Variants in AP2A1 observed in about 807,000 individuals in gnomAD.
The protein encoded by AP2A1 is adaptor related protein complex 2 subunit alpha 1.
In AP2A1, 21 loss-of-function variants were observed where a neutral mutation model predicts 107.3. That is an observed-to-expected ratio of 0.20 (90% CI 0.14 to 0.28). The LOEUF is 0.28. Ranked by LOEUF, AP2A1 falls within the 10% of genes least tolerant of loss-of-function variation. The probability of loss-of-function intolerance (pLI) is 1.00; values close to 1 mark genes in which losing one functional copy is unlikely to be tolerated. For synonymous variants in AP2A1, 602 were observed against 564.8 expected, an observed-to-expected ratio of 1.07 and a Z score of -0.93; for missense variants, 873 against 1,307.7, an observed-to-expected ratio of 0.67 and a Z score of 5.13.
chr19:49,807,020 T>TGCCCC lies in AP2A1; in HGVS notation c.*262_*263insGCCCC. The TGCCCC allele has an allele frequency of 7.5e-7, 1 of 1,338,572 alleles. No individual in the cohort carries two copies. The highest frequency in any genetic ancestry group is 1.0e-6 in the Non-Finnish European group (1 of 996,938). The allele number at this position is 1,338,572 out of a possible 1,614,324, so 82.9% of individuals were successfully genotyped here. A position where few individuals can be genotyped will look rare whatever the true frequency, so the allele number is the denominator to read the frequency against. ...AGGGGCCAGGGAAGTGGATGTCTCC[T>TGCCCC]CCCCTCCCACCCCACCCTGTTGTAG... On this transcript the variant is annotated 3_prime_UTR_variant, in exon 23 of 23. Coordinates refer to ENST00000354293, the MANE Select transcript of AP2A1 (RefSeq NM_130787.3).
chr19:49,767,341 A>C, intron 1 of AP2A1, 141 bp downstream of exon 1: 1 of 1,049,576 alleles, frequency 9.5e-7, no homozygotes, highest in Non-Finnish European at 1.4e-6. Flanking sequence ...CCCAGGAAGA[A>C]CTTTAGAGTG....
chr19:49,795,859 G>T, intron 7 of AP2A1, 121 bp downstream of exon 7: 1 of 809,592 alleles, frequency 1.2e-6, no homozygotes. Flanking sequence ...CTGAAGCTGG[G>T]GCGGTTCCTC....
Position 49,767,039 on chromosome 19 carries a change from C to G in AP2A1, c.-95C>G. 8 of 1,348,740 alleles carry G rather than the reference C, an allele frequency of 5.9e-6. No individual in the cohort carries two copies. The highest frequency in any genetic ancestry group is 6.9e-6 in the Non-Finnish European group (7 of 1,019,618). The allele number at this position is 1,348,740 out of a possible 1,614,324, so 83.5% of individuals were successfully genotyped here. ...CCCCGCGGCCGGCTCGGCTCCTTGG[C>G]GCTGCCTGGGGTCCTTTCCGCCCGG... is the stretch of plus-strand genomic sequence containing the variant. On this transcript the variant is annotated 5_prime_UTR_variant, in exon 1 of 23. Coordinates refer to ENST00000354293, the MANE Select transcript of AP2A1 (RefSeq NM_130787.3).
chr19:49,803,591 T>TGA, intron 18 of AP2A1: 1 of 580,202 alleles, frequency 1.7e-6, no homozygotes. Flanking sequence ...GAGGCTTTAC[T>TGA]TCCAGAACTC....
intron 18 of AP2A1, 104 bp downstream of exon 18, chr19:49,803,480 G>A (rs1423137573): frequency 1.1e-6 from 1 of 904,754 alleles, no homozygotes; most frequent in Non-Finnish European, 1.8e-6. Context: ...AGCCTCTCTT[G>A]GGCACGCAAT....
intron 5 of AP2A1, among the ~76,000 whole-genome samples, chr19:49,792,575 C>T (rs889753539): frequency 6.6e-6 from 1 of 152,014 alleles, no homozygotes; most frequent in African/African-American, 2.4e-5. Flanking sequence ...GGATCCTGTC[C>T]AGTGACCCCC....
rs1011441314 is a variant in AP2A1 at position 49,788,369 on chromosome 19, G to A, written c.474-3566G>A. Among the ~76,000 whole-genome samples the A allele has an allele frequency of 6.6e-5, 10 of 152,200 alleles. No homozygotes were observed. Among genetic ancestry groups the A allele is most frequent in the African/African-American group, 2.4e-4 (10 of 41,438 alleles). ...GTTGATAAATAGCTCTTATTCCTTT[G>A]TGTGGTATCCTTATCTGTAAATGGA... On this transcript the variant is annotated intron_variant, in intron 4 of 22. Coordinates refer to ENST00000354293, the MANE Select transcript of AP2A1 (RefSeq NM_130787.3). This position sits in a 1 kb window ranked among gnomAD's most constrained non-coding sequence, Gnocchi z 4.5.
chr19:49,774,677 C>T (rs1443247764), intron 1 of AP2A1, among the ~76,000 whole-genome samples: 2 of 152,048 alleles, frequency 1.3e-5, no homozygotes, highest in Non-Finnish European at 2.9e-5. Context: ...AATCCCAGCA[C>T]TTTGGGAGGC....
At position 49,803,167 on chromosome 19, in the gene AP2A1, G is replaced by A. The variant is rs192687568; in HGVS notation, c.2232G>A (p.Lys744=). Residue 744 remains lysine, a synonymous_variant, in exon 17 of 23, where the codon AAG becomes AAA. Coordinates refer to ENST00000354293, the MANE Select transcript of AP2A1 (RefSeq NM_130787.3). ...ACCAGCTGCTGCAGATCGGAGTCAA[G>A]TCAGAGTTCCGACAGAACCTGGGTG... ...FENQLLQIGV[K]SEFRQNLGRM... is the part of the protein sequence containing the mutation. 6.2e-7 allele frequency: 1 copy of A among 1,614,002 alleles called. No homozygotes were observed. The highest frequency in any genetic ancestry group is 8.5e-7 in the Non-Finnish European group (1 of 1,179,898).
Position 49,795,888 on chromosome 19 carries a change from C to T in AP2A1, c.814+150C>T. ...GTTCCTCTGTCCCCTTACGTGGCTG[C>T]ACTCGGGGAGGCAAGCAGGCAGCCC... is the stretch of plus-strand genomic sequence containing the variant. On this transcript the variant is annotated intron_variant, in intron 7 of 22. Coordinates refer to ENST00000354293, the MANE Select transcript of AP2A1 (RefSeq NM_130787.3). 7.5e-6 allele frequency: 5 copies of T among 665,222 alleles called. No individual in the cohort carries two copies. In the South Asian group the frequency reaches 8.9e-5, roughly 12 times the overall value. 41.2% of individuals were successfully genotyped at this position (665,222 alleles called of 1,614,324 possible). A position where few individuals can be genotyped will look rare whatever the true frequency, so the allele number is the denominator to read the frequency against.
Position 49,801,896 on chromosome 19 carries a change from C to G in AP2A1, c.1953+7C>G, listed in dbSNP as rs761214484. On this transcript the variant is annotated splice_region_variant and intron_variant, in intron 14 of 22. Coordinates refer to ENST00000354293, the MANE Select transcript of AP2A1 (RefSeq NM_130787.3). ...GCCCACCCCCAGCACTGTGGTGAGT[C>G]CCCTGGGGTGGGCCCTGCCAGGGTG... 1 of 1,474,446 alleles carries G rather than the reference C, an allele frequency of 6.8e-7. No homozygotes were observed. The highest frequency in any genetic ancestry group is 9.0e-7 in the Non-Finnish European group (1 of 1,116,994). The allele number at this position is 1,474,446 out of a possible 1,614,324, so 91.3% of individuals were successfully genotyped here.
rs150294417 is a variant in AP2A1 at position 49,806,468 on chromosome 19, T to G, written c.2791-213T>G. The G allele has an allele frequency of 9.1e-5, 131 of 1,438,896 alleles. 1 individual carries two copies. The East Asian group carries it at 3.3e-3, about 36-fold the overall frequency. The allele number at this position is 1,438,896 out of a possible 1,614,324, so 89.1% of individuals were successfully genotyped here. A position where few individuals can be genotyped will look rare whatever the true frequency, so the allele number is the denominator to read the frequency against. ...CTCCTCTTCCTGTCCCTCCCTGATT[T>G]CTACCTTTCCATATCCTTTCCACCT... On this transcript the variant is annotated intron_variant, in intron 22 of 22. Coordinates refer to ENST00000354293, the MANE Select transcript of AP2A1 (RefSeq NM_130787.3).
chr19:49,794,332 A>C (rs2073184849), intron 6 of AP2A1, among the ~76,000 whole-genome samples: 1 of 151,334 alleles, frequency 6.6e-6, no homozygotes, highest in Non-Finnish European at 1.5e-5. Flanking sequence ...CTCTCGCCTC[A>C]GCCTCCCGAG....
intron 6 of AP2A1, among the ~76,000 whole-genome samples, chr19:49,793,930 C>T (rs1181318099): frequency 3.2e-4 from 31 of 97,746 alleles, no homozygotes; most frequent in African/African-American, 1.1e-3. Context: ...TTTTTTGAGA[C>T]GGAGTCTCGT....
rs1273706519 is a variant in AP2A1 at position 49,801,522 on chromosome 19, C to T, written c.1686C>T (p.Val562=). 3.1e-6 allele frequency: 5 copies of T among 1,613,544 alleles called. No individual in the cohort carries two copies. The East Asian group carries it at 1.1e-4, about 36-fold the overall frequency. ...AGACCAAGGCCACCATCCAGGGCGT[C>T]CTGCGGGCCGGCTCCCAGCTGCGCA... The part of the protein sequence containing the change: ...FPETKATIQG[V]LRAGSQLRNA... The change falls in exon 13 of 23, where the codon GTC becomes GTT. Residue 562 remains valine, a synonymous_variant. Transcript: ENST00000354293.
intron 4 of AP2A1, among the ~76,000 whole-genome samples, chr19:49,787,224 C>T (rs1186495921): frequency 4.0e-5 from 6 of 151,732 alleles, no homozygotes; most frequent in African/African-American, 1.2e-4. Flanking sequence ...CTATGTTGCC[C>T]AGGCTCCAGG....
chr19:49,799,578 T>A lies in AP2A1; in HGVS notation c.1135-51T>A, dbSNP rs574649207. ...TCAGAGGCCCTTGGGTGGCCAACCCTGTGCCAACAGGGAGTCTAAAACACA... is the reference window on the plus strand; with the variant it reads ...TCAGAGGCCCTTGGGTGGCCAACCCAGTGCCAACAGGGAGTCTAAAACACA... On this transcript the variant is annotated intron_variant, in intron 9 of 22. Transcript: ENST00000354293. 11 of 1,600,196 alleles carry A rather than the reference T, an allele frequency of 6.9e-6. No homozygotes were observed. In the East Asian group the frequency reaches 2.2e-4, roughly 32 times the overall value.
At chr19:49,806,504 T>A in intron 22 of AP2A1, 177 bp from the exon 23 acceptor site, 1 of 1,447,538 alleles carries the variant, frequency 6.9e-7, no homozygotes, top group South Asian at 1.5e-5. Context: ...TTCTCTCATC[T>A]TTTATAATTT....
chr19:49,802,791 C>G, intron 15 of AP2A1, 158 bp from the exon 16 acceptor site: 1 of 1,041,078 alleles, frequency 9.6e-7, no homozygotes, highest in Non-Finnish European at 1.4e-6. Context: ...TTGGAGGCCA[C>G]TGCTGGATGG....
Sources: gnomAD v4.1 joint callset for allele counts (sites outside exome capture counted in the v4.1 genomes callset) on GRCh38, gnomAD v4.1.1 for gene constraint, Gnocchi (gnomAD v3.1) non-coding constraint, MANE v1.5 for transcripts, NCBI Gene and HGNC (gene_info 2026-07-23, HGNC 2026-07-21) for gene names.